The following DAB1 variants were observed in gnomAD, a reference collection of about 807,000 sequenced individuals.
DAB1 encodes the protein disabled homolog 1.
DAB1 carries 15 observed loss-of-function variants against 64.6 expected under a neutral mutation model. The ratio of observed to expected loss-of-function variants is 0.23; its 90% CI spans 0.16 to 0.36. DAB1 has a LOEUF of 0.36. Ranked by LOEUF, DAB1 falls within the 10% of genes least tolerant of loss-of-function variation. The pLI is 1.00. For synonymous variants in DAB1, 235 were observed against 251.9 expected, an observed-to-expected ratio of 0.93 and a Z score of 0.64; for missense variants, 596 against 706.7, an observed-to-expected ratio of 0.84 and a Z score of 1.78.
intron 6 of DAB1, among the ~76,000 whole-genome samples, chr1:57,711,177 T>C (rs1647025170): frequency 6.6e-6 from 1 of 152,228 alleles, no homozygotes; most frequent in Admixed American, 6.5e-5. Flanking sequence ...GTTTTATCAA[T>C]GCAGCTGAAT....
intron 6 of DAB1, among the ~76,000 whole-genome samples, chr1:57,709,879 A>G (rs2101743663): frequency 6.6e-6 from 1 of 152,234 alleles, no homozygotes; most frequent in South Asian, 2.1e-4. Context: ...TGTTCAACAT[A>G]CCTAGCTTCC....
At chr1:57,553,505 G>GAAGGAAGGAAGAAAGA (rs57000232) in intron 7 of DAB1, among the ~76,000 whole-genome samples, 4 of 120,396 alleles carry the variant, frequency 3.3e-5, no homozygotes, top group Admixed American at 8.8e-5. Context: ...AGGAAGGAAG[G>GAAGGAAGGAAGAAAGA]AAGAGAGAGA....
rs114319244 is a variant in DAB1 at position 57,543,965 on chromosome 1, G to T, written n.625+105627C>A. 8.4e-3 allele frequency among the ~76,000 whole-genome samples: 1,282 copies of T among 152,002 alleles called. 13 individuals carry two copies. The highest frequency in any genetic ancestry group is 0.028 in the African/African-American group (1,177 of 41,458). On this transcript the variant is annotated intron_variant and non_coding_transcript_variant, in intron 7 of 20. Transcript: ENST00000485760. ...CTACAAAAAAAATTAAAAATTAGCC[G>T]GGCATGGTGGCATGGACCTGTAGTC...
At chr1:57,550,799 T>A (rs976418781) in intron 7 of DAB1, among the ~76,000 whole-genome samples, 1 of 152,234 alleles carries the variant, frequency 6.6e-6, no homozygotes, top group Non-Finnish European at 1.5e-5. Context: ...TAAAAGCACA[T>A]AGTTTAGTAT....
intron 7 of DAB1, among the ~76,000 whole-genome samples, chr1:57,645,264 C>A (rs1646178821): frequency 1.3e-5 from 2 of 152,152 alleles, no homozygotes; most frequent in African/African-American, 4.8e-5. Flanking sequence ...CCATGCTATC[C>A]AGGAAGGAAT....
At chr1:57,848,344 A>G (rs867979753) in intron 1 of DAB1, among the ~76,000 whole-genome samples, 7 of 152,370 alleles carry the variant, frequency 4.6e-5, no homozygotes, top group Non-Finnish European at 1.0e-4. Flanking sequence ...ATGTAAACCA[A>G]TCATAAAAAT....
chr1:57,193,491 A>G (rs1664345673), intron 2 of DAB1, among the ~76,000 whole-genome samples: 1 of 137,502 alleles, frequency 7.3e-6, no homozygotes, highest in South Asian at 2.3e-4. Context: ...GGTTCACGCC[A>G]TTCTCCTGCC....
intron 5 of DAB1, among the ~76,000 whole-genome samples, chr1:57,966,949 T>C (rs1205217370): frequency 1.3e-5 from 2 of 152,216 alleles, no homozygotes; most frequent in Admixed American, 6.5e-5. Flanking sequence ...TAGTTTACAC[T>C]ACTGGTTTTT....
chr1:57,280,601 G>T (rs1441424775), intron 2 of DAB1, among the ~76,000 whole-genome samples: 1 of 152,220 alleles, frequency 6.6e-6, no homozygotes, highest in Non-Finnish European at 1.5e-5. Flanking sequence ...CCCAGTCACT[G>T]CCAGAGGCAG....
At chr1:57,714,958 C>A (rs911607244) in intron 6 of DAB1, among the ~76,000 whole-genome samples, 13 of 152,278 alleles carry the variant, frequency 8.5e-5, no homozygotes, top group African/African-American at 3.1e-4. Context: ...ATACCAAAAT[C>A]AGACAAGGAC....
intron 7 of DAB1, among the ~76,000 whole-genome samples, chr1:57,534,601 G>A (rs1324540777): frequency 6.6e-6 from 1 of 152,132 alleles, no homozygotes; most frequent in Non-Finnish European, 1.5e-5. Flanking sequence ...GAAGTAGTAG[G>A]GATTATTTTC....
At chr1:58,335,004 A>G (rs1031842369) in intron 4 of DAB1, among the ~76,000 whole-genome samples, 1 of 152,178 alleles carries the variant, frequency 6.6e-6, no homozygotes, top group Non-Finnish European at 1.5e-5. Flanking sequence ...TAAGGCAGAG[A>G]ACAGCAAAAT....
chr1:57,604,014 A>T (rs555140649), intron 7 of DAB1, among the ~76,000 whole-genome samples: 4 of 152,318 alleles, frequency 2.6e-5, no homozygotes, highest in Non-Finnish European at 5.9e-5. Flanking sequence ...AGGTCAGCAC[A>T]TGCTGGCGTT....
intron 7 of DAB1, among the ~76,000 whole-genome samples, chr1:57,618,565 C>T (rs1356652365): frequency 1.3e-5 from 2 of 152,060 alleles, no homozygotes; most frequent in African/African-American, 2.4e-5. Flanking sequence ...CTAAACAGTG[C>T]ACCTGTCCAC....
At chr1:58,473,548 ATAAAT>A (rs1225042690) in intron 3 of DAB1, among the ~76,000 whole-genome samples, 2,541 of 120,004 alleles carry the variant, frequency 0.021, 97 homozygotes, top group African/African-American at 0.097. Context: ...TCTCAAAAAA[ATAAAT>A]AAATAAATAA....
intron 1 of DAB1, among the ~76,000 whole-genome samples, chr1:57,399,969 C>T (rs375990044): frequency 9.2e-5 from 14 of 152,272 alleles, no homozygotes; most frequent in East Asian, 7.7e-4. Context: ...CTTATCTTCC[C>T]AAAGGTTGGG....
intron 6 of DAB1, among the ~76,000 whole-genome samples, chr1:57,770,620 T>A (rs554228505): frequency 1.3e-5 from 2 of 152,282 alleles, no homozygotes; most frequent in African/African-American, 4.8e-5. Flanking sequence ...AATATCATGC[T>A]CCATTTAATT....
chr1:58,358,953 A>AACACACACAC (rs57077530), intron 3 of DAB1, among the ~76,000 whole-genome samples: 25,344 of 123,738 alleles, frequency 0.2, 2,949 homozygotes, highest in African/African-American at 0.3. Flanking sequence ...CTCTCTCTGT[A>AACACACACAC]ACACACACAC....
chr1:57,216,644 G>A (rs780000716), intron 2 of DAB1, among the ~76,000 whole-genome samples: 1 of 152,160 alleles, frequency 6.6e-6, no homozygotes, highest in Non-Finnish European at 1.5e-5. Flanking sequence ...TACTCAGAGA[G>A]ACCTATAATA....
Sources: gnomAD v4.1 joint callset for allele counts (sites outside exome capture counted in the v4.1 genomes callset) on GRCh38, gnomAD v4.1.1 for gene constraint, MANE v1.5 for transcripts, NCBI Gene and HGNC (gene_info 2026-07-23, HGNC 2026-07-21) for gene names.